LRCH3: variants seen among roughly 807,000 people sequenced by gnomAD.
The protein encoded by LRCH3 is DISP complex protein LRCH3.
Under a neutral mutation model 104.5 loss-of-function variants are expected in LRCH3, and 68 were observed. That is an observed-to-expected ratio of 0.65 (90% CI 0.54 to 0.80). LRCH3 has a LOEUF of 0.80. Ranked by LOEUF, LRCH3 falls within the 30% of genes least tolerant of loss-of-function variation. The pLI is 0.00. For missense variants in LRCH3, 951 were observed against 953.9 expected (o/e 1.00, Z 0.04); for synonymous variants, 344 against 361.3 (o/e 0.95, Z 0.54).
At chr3:197,822,787 A>T (rs527795006) in intron 4 of LRCH3, 86 of 152,042 alleles carry the variant, frequency 5.7e-4, no homozygotes, top group African/African-American at 1.9e-3. Flanking sequence ...CATTCAAAAA[A>T]TATTAAAAAA....
At chr3:197,881,377 C>G (rs544328689) in intron 20 of LRCH3, 1 of 987,180 alleles carries the variant, frequency 1.0e-6, no homozygotes, top group African/African-American at 1.7e-5. Context: ...CTAGACTGCT[C>G]TTCTGAGCCC....
In LRCH3 at chr3:197,883,648, C is replaced by G. The variant is rs778118325; in HGVS notation, c.2316C>G (p.His772Gln). ...TTGCCCCACCCAAGCAACAGCAGCA[C>G]CAGTTATCTGCTGTTTGAGGATCCC... Reference protein sequence around the residue: ...LELAPPKQQQHQLSAV With the variant: ...LELAPPKQQQQQLSAV Residue 772 changes from histidine to glutamine, a missense_variant, in exon 21 of 21, where the codon CAC becomes CAG. Coordinates refer to ENST00000425562, the MANE Select transcript of LRCH3 (RefSeq NM_001365715.1). This position sits in a 1 kb window ranked among gnomAD's most constrained non-coding sequence, Gnocchi z 4.2. The G allele has an allele frequency of 6.5e-7, 1 of 1,536,102 alleles. No homozygotes were observed.
At chr3:197,849,883 C>T (rs913539584) in intron 12 of LRCH3, among the ~76,000 whole-genome samples, 1 of 152,082 alleles carries the variant, frequency 6.6e-6, no homozygotes, top group African/African-American at 2.4e-5. Context: ...ACAGCTTAGA[C>T]CTTATCAGGG....
rs1285235171 is a variant in LRCH3 at position 197,879,289 on chromosome 3, C to T, written c.2208+3514C>T. 2.0e-5 allele frequency among the ~76,000 whole-genome samples: 3 copies of T among 152,092 alleles called. No individual in the cohort carries two copies. In the East Asian group the frequency reaches 5.8e-4, roughly 29 times the overall value. ...CTGTAAAATGGAGGGTTTGGATGATCTCTGAGGCCCTTAACAGCTCTGCCT... is the reference window on the plus strand; with the variant it reads ...CTGTAAAATGGAGGGTTTGGATGATTTCTGAGGCCCTTAACAGCTCTGCCT... On this transcript the variant is annotated intron_variant, in intron 20 of 20. Transcript: ENST00000425562.
intron 16 of LRCH3, 50 bp from the exon 17 acceptor site, chr3:197,866,062 A>G (rs1207015706): frequency 3.9e-6 from 5 of 1,280,910 alleles, no homozygotes; most frequent in Non-Finnish European, 4.6e-6. Flanking sequence ...TATGTCTGCT[A>G]TTATATTTTC....
chr3:197,880,647 G>C, intron 20 of LRCH3: 1 of 1,536,778 alleles, frequency 6.5e-7, no homozygotes, highest in Admixed American at 2.0e-5. Context: ...TCTGGGTTTT[G>C]TGGCATTTTA....
intron 3 of LRCH3, 56 bp downstream of exon 3, chr3:197,817,358 G>GTC (rs1165662167): frequency 8.4e-6 from 1 of 119,678 alleles, no homozygotes; most frequent in Non-Finnish European, 1.0e-5. Context: ...GTGTGTGTGT[G>GTC]TGTATATATA....
intron 17 of LRCH3, among the ~76,000 whole-genome samples, chr3:197,868,278 G>A (rs1370014937): frequency 6.6e-6 from 1 of 152,086 alleles, no homozygotes; most frequent in Non-Finnish European, 1.5e-5. Flanking sequence ...TTGAAATACA[G>A]TATAGTAACA....
rs148665137 is a variant in LRCH3 at position 197,839,362 on chromosome 3, A to C, written c.1293A>C (p.Lys431Asn). 2,370 of 1,594,350 alleles carry C rather than the reference A, an allele frequency of 1.5e-3. 2 individuals carry two copies. Among genetic ancestry groups the C allele is most frequent in the Middle Eastern group, 0.012 (73 of 5,940 alleles). Reference protein sequence around the residue: ...VKPVAIREFQKTEDMRRYLHQ... With the variant: ...VKPVAIREFQNTEDMRRYLHQ... ...CAGTAGCCATTAGGGAGTTTCAAAA[A>C]ACAGAAGATATGAGAAGATATTTAC... The change falls in exon 10 of 21, where the codon AAA becomes AAC. Residue 431 changes from lysine (K) to asparagine (N), a missense_variant. Transcript: ENST00000425562.
chr3:197,820,725 C>G (rs1459178768), intron 4 of LRCH3, among the ~76,000 whole-genome samples: 2 of 152,100 alleles, frequency 1.3e-5, no homozygotes, highest in African/African-American at 4.8e-5. Context: ...GGGAGGAGTC[C>G]CTGAGCCCAG....
chr3:197,880,813 G>T, intron 20 of LRCH3: 1 of 1,515,810 alleles, frequency 6.6e-7, no homozygotes, highest in South Asian at 1.2e-5. Context: ...TTTTCTCCCT[G>T]CTGGCCCTCA....
intron 1 of LRCH3, among the ~76,000 whole-genome samples, chr3:197,798,611 G>A (rs1316492131): frequency 6.6e-6 from 1 of 152,176 alleles, no homozygotes; most frequent in East Asian, 1.9e-4. Flanking sequence ...AATGAGGACT[G>A]CTAAAATGCC....
chr3:197,824,977 A>G (rs1734987982), intron 4 of LRCH3, among the ~76,000 whole-genome samples: 1 of 152,242 alleles, frequency 6.6e-6, no homozygotes, highest in South Asian at 2.1e-4. Flanking sequence ...TAGCTTCCCA[A>G]GAACACGTCA....
intron 1 of LRCH3, among the ~76,000 whole-genome samples, chr3:197,791,774 A>C: frequency 6.6e-6 from 1 of 152,102 alleles, no homozygotes. Flanking sequence ...GGAGTGATTG[A>C]TGGATGATTT....
intron 17 of LRCH3, among the ~76,000 whole-genome samples, chr3:197,867,057 G>A (rs951773898): frequency 2.6e-5 from 4 of 151,954 alleles, no homozygotes; most frequent in African/African-American, 9.7e-5. Flanking sequence ...AGCAGATCAC[G>A]TCATTTGAGG....
At chr3:197,817,064 G>A in intron 2 of LRCH3, 112 bp from the exon 3 acceptor site, 1 of 955,088 alleles carries the variant, frequency 1.0e-6, no homozygotes, top group Non-Finnish European at 1.5e-6. Context: ...TACCCTGTTT[G>A]TTTCTTGCAA....
At chr3:197,848,299 GA>G (rs1739060661) in intron 12 of LRCH3, 1 of 298,940 alleles carries the variant, frequency 3.3e-6, no homozygotes, top group African/African-American at 2.2e-5. Flanking sequence ...TCAGTAAGAT[GA>G]AAGTGAAAGT....
At chr3:197,820,538 C>T in intron 4 of LRCH3, 108 bp downstream of exon 4, 1 of 709,226 alleles carries the variant, frequency 1.4e-6, no homozygotes, top group Non-Finnish European at 2.4e-6. Flanking sequence ...AGGCTGGGCG[C>T]TGTGGCTCCT....
Position 197,830,791 on chromosome 3 carries a change from T to C in LRCH3, c.909T>C (p.Ser303=), listed in dbSNP as rs982121293. 5.6e-6 allele frequency: 9 copies of C among 1,614,032 alleles called. No individual in the cohort carries two copies. Among genetic ancestry groups the C allele is most frequent in the Non-Finnish European group, 7.6e-6 (9 of 1,179,922 alleles). The stretch of plus-strand genomic sequence containing the variant: ...GCAGCCATGAAGAACTGTACTCAAG[T>C]CGCCCTTATGGAGCCCTTGATTCAG... ...FGSCHEELYS[S]RPYGALDSGF... is the part of the protein sequence containing the mutation. Residue 303 remains serine, a synonymous_variant, in exon 7 of 21, where the codon AGT becomes AGC. Coordinates refer to ENST00000425562, the MANE Select transcript of LRCH3 (RefSeq NM_001365715.1).
Sources: allele counts gnomAD v4.1 joint callset (sites outside exome capture counted in the v4.1 genomes callset), GRCh38; gene constraint gnomAD v4.1.1; non-coding constraint Gnocchi (gnomAD v3.1); transcripts MANE v1.5; gene names NCBI Gene and HGNC (gene_info 2026-07-23, HGNC 2026-07-21).